Variants in NUP210L observed in about 807,000 individuals in gnomAD.
The protein encoded by NUP210L is nuclear pore membrane glycoprotein 210-like.
A neutral mutation model predicts 208.5 loss-of-function variants in NUP210L; 74 were observed. The observed-to-expected ratio is 0.35, with a 90% confidence interval of 0.29 to 0.43. NUP210L has a LOEUF of 0.43. Among genes scored for constraint, NUP210L ranks in the 20% least tolerant of loss-of-function variants. The probability of loss-of-function intolerance (pLI) is 1.00; values close to 1 mark genes in which losing one functional copy is unlikely to be tolerated. For synonymous variants in NUP210L, 780 were observed against 816.9 expected (o/e 0.95, Z 0.77); for missense variants, 1,843 against 2,289.4 (o/e 0.81, Z 3.98).
At chr1:154,098,486 T>A (rs563937333) in intron 14 of NUP210L, among the ~76,000 whole-genome samples, 1 of 152,142 alleles carries the variant, frequency 6.6e-6, no homozygotes, top group Non-Finnish European at 1.5e-5. Context: ...AAGAGCTTTA[T>A]TGAGTAACAG....
chr1:154,138,052 A>C, intron 6 of NUP210L, 54 bp downstream of exon 6: 1 of 1,338,540 alleles, frequency 7.5e-7, no homozygotes, highest in South Asian at 1.8e-5. Flanking sequence ...TGATCTTGTC[A>C]GCAGAAAAGA....
chr1:154,134,082 G>A (rs914456074), intron 7 of NUP210L, among the ~76,000 whole-genome samples: 18 of 151,182 alleles, frequency 1.2e-4, no homozygotes, highest in African/African-American at 2.2e-4. Context: ...CCTGGGAGGC[G>A]GAGGTGGGAG....
chr1:154,059,418 C>G (rs1030689746), intron 20 of NUP210L, among the ~76,000 whole-genome samples: 3 of 152,080 alleles, frequency 2.0e-5, no homozygotes, highest in Non-Finnish European at 4.4e-5. Context: ...TCACTTGAAT[C>G]TAAGAGTTCA....
Position 154,118,732 on chromosome 1 carries a change from G to A in NUP210L, c.1403C>T (p.Thr468Ile), listed in dbSNP as rs79151223. ...ATGAGGAAATGCCAGAAATTTGGGT[G>A]TAAGCATGATGGGAAAATAAATCTT... The change falls in exon 11 of 40, where the codon ACA (threonine) becomes ATA (isoleucine). Residue 468 changes from threonine (T) to isoleucine (I), a missense_variant. This residue lies in a region of NUP210L where 542 missense variants were observed against 606.4 expected (regional missense o/e 0.89). Coordinates refer to ENST00000368559, the Ensembl canonical transcript of NUP210L. The A allele has an allele frequency of 4.3e-4, 682 of 1,604,352 alleles. 10 individuals are homozygous for A. The East Asian group carries it at 0.012, about 28-fold the overall frequency.
Position 153,994,988 on chromosome 1 carries a change from G to A in NUP210L, c.5491+88C>T, listed in dbSNP as rs1004862711. The A allele has an allele frequency of 5.4e-5, 44 of 814,932 alleles. No homozygotes were observed. The African/African-American group carries it at 7.6e-4, about 14-fold the overall frequency. 50.5% of individuals were successfully genotyped at this position (814,932 alleles called of 1,614,324 possible). ...GATTGCGCCACTGCACTCCAGCGTG[G>A]GCGACAGACTTAAACTCCATCTCAA... is the stretch of plus-strand genomic sequence containing the variant. On this transcript the variant is annotated intron_variant, in intron 38 of 39. Transcript: ENST00000368559.
chr1:154,143,545 C>T (rs1416336587), exon 3 of NUP210L: 8 of 1,613,894 alleles, frequency 5.0e-6, no homozygotes, highest in Admixed American at 1.7e-5. Context: ...ATCACATCAA[C>T]CTTAACATCA....
chr1:154,147,690 C>T (rs1659187297), intron 2 of NUP210L, among the ~76,000 whole-genome samples: 1 of 151,168 alleles, frequency 6.6e-6, no homozygotes, highest in African/African-American at 2.4e-5. Context: ...CAAAGTCTCT[C>T]TCTGTCGCAA....
At chr1:154,045,980 A>G (rs1653152603) in intron 27 of NUP210L, 89 bp downstream of exon 27, 1 of 1,234,392 alleles carries the variant, frequency 8.1e-7, no homozygotes, top group Admixed American at 2.6e-5. Context: ...GTGAGACCTC[A>G]TCTCAAAACA....
intron 7 of NUP210L, among the ~76,000 whole-genome samples, chr1:154,131,522 T>A (rs926053061): frequency 6.6e-6 from 1 of 152,118 alleles, no homozygotes; most frequent in African/African-American, 2.4e-5. Flanking sequence ...CTTTCTCTCT[T>A]TAATTAAGAG....
intron 15 of NUP210L, among the ~76,000 whole-genome samples, chr1:154,092,799 A>G (rs981444493): frequency 1.3e-5 from 2 of 152,098 alleles, no homozygotes; most frequent in Admixed American, 6.5e-5. Flanking sequence ...ATCATAGCCC[A>G]CTGTAACCTC....
chr1:154,017,131 A>G, intron 33 of NUP210L, among the ~76,000 whole-genome samples: 1 of 151,934 alleles, frequency 6.6e-6, no homozygotes, highest in East Asian at 1.9e-4. Flanking sequence ...AAATACAAAA[A>G]TTAGCTGGGG....
intron 16 of NUP210L, among the ~76,000 whole-genome samples, chr1:154,087,710 G>T (rs1655696163): frequency 6.6e-6 from 1 of 151,912 alleles, no homozygotes; most frequent in African/African-American, 2.4e-5. Flanking sequence ...CTGATGGCTG[G>T]ATAAACAAAA....
At chr1:154,099,272 G>A (rs932934079) in intron 14 of NUP210L, among the ~76,000 whole-genome samples, 4 of 152,052 alleles carry the variant, frequency 2.6e-5, no homozygotes, top group East Asian at 1.9e-4. Flanking sequence ...GCCTGGGTCC[G>A]CAGTCATGAC....
At chr1:154,154,716 C>T (rs1252722640) in intron 1 of NUP210L, 126 bp downstream of exon 1, 2 of 733,402 alleles carry the variant, frequency 2.7e-6, no homozygotes, top group South Asian at 1.7e-5. Flanking sequence ...CACTCTCCTC[C>T]CCTACCGGCT....
chr1:154,049,428 G>A (rs1215785418), intron 25 of NUP210L, among the ~76,000 whole-genome samples: 1 of 152,158 alleles, frequency 6.6e-6, no homozygotes, highest in Non-Finnish European at 1.5e-5. Flanking sequence ...GCTTCAAACA[G>A]AAAGAAAAGT....
chr1:154,138,990 G>A (rs1288809123), intron 5 of NUP210L, among the ~76,000 whole-genome samples: 4 of 152,228 alleles, frequency 2.6e-5, no homozygotes, highest in East Asian at 1.9e-4. Context: ...AATTAGGGCC[G>A]GGTGTGGTGG....
At chr1:154,020,150 T>C (rs151285516) in intron 32 of NUP210L, among the ~76,000 whole-genome samples, 1 of 152,290 alleles carries the variant, frequency 6.6e-6, no homozygotes, top group East Asian at 1.9e-4. Context: ...CCAAAATACG[T>C]ATTAATGTTA....
At chr1:154,152,138 C>A (rs1056671446) in intron 2 of NUP210L, among the ~76,000 whole-genome samples, 13 of 149,922 alleles carry the variant, frequency 8.7e-5, no homozygotes, top group Non-Finnish European at 1.5e-4. Context: ...GAAAATCCTG[C>A]CTAATACTCT....
chr1:154,103,005 G>A (rs1263046035), intron 13 of NUP210L, among the ~76,000 whole-genome samples: 2 of 152,104 alleles, frequency 1.3e-5, no homozygotes, highest in Non-Finnish European at 2.9e-5. Flanking sequence ...GGGCCCAGGA[G>A]TTCAAGGTTA....
Sources: allele counts gnomAD v4.1 joint callset (sites outside exome capture counted in the v4.1 genomes callset), GRCh38; gene constraint gnomAD v4.1.1; regional missense constraint gnomAD v4.1.1; transcripts MANE v1.5; gene names NCBI Gene and HGNC (gene_info 2026-07-23, HGNC 2026-07-21).